The following NCAPD3 variants were observed in gnomAD, a reference collection of about 807,000 sequenced individuals.
NCAPD3 encodes the protein non-SMC condensin II complex subunit D3.
Under a neutral mutation model 182.9 loss-of-function variants are expected in NCAPD3, and 105 were observed. The observed-to-expected ratio is 0.57, with a 90% CI of 0.49 to 0.68. The LOEUF (loss-of-function observed/expected upper bound fraction) is 0.68, where lower values mean the gene tolerates loss of function less well. NCAPD3 is among the 30% of genes least tolerant of loss of function. The pLI is 0.00. For missense variants in NCAPD3, 1,944 were observed against 1,837.0 expected, an observed-to-expected ratio of 1.06 and a Z score of -1.07; for synonymous variants, 815 against 679.9, an observed-to-expected ratio of 1.20 and a Z score of -3.09.
intron 24 of NCAPD3, among the ~76,000 whole-genome samples, chr11:134,174,117 G>C (rs1380136450): frequency 6.6e-6 from 1 of 152,066 alleles, no homozygotes; most frequent in Non-Finnish European, 1.5e-5. Context: ...ATTGCCTGCT[G>C]TGGTGACTCA....
At chr11:134,212,780 T>C (rs2136024063) in intron 3 of NCAPD3, among the ~76,000 whole-genome samples, 1 of 152,204 alleles carries the variant, frequency 6.6e-6, no homozygotes, top group East Asian at 1.9e-4. Flanking sequence ...AAGTGCCTAC[T>C]GCATACACAA....
At chr11:134,166,940 T>A (rs1311057128) in intron 27 of NCAPD3, among the ~76,000 whole-genome samples, 63 of 75,004 alleles carry the variant, frequency 8.4e-4, no homozygotes, top group South Asian at 1.5e-3. Context: ...TTAGGGGAGC[T>A]GCACACTCAC....
chr11:134,178,461 C>T (rs756021523), intron 22 of NCAPD3, 173 bp downstream of exon 22: 3 of 449,118 alleles, frequency 6.7e-6, no homozygotes, highest in Non-Finnish European at 1.2e-5. Flanking sequence ...ATGACCAGCA[C>T]GCAGTTATGC....
Position 134,192,876 on chromosome 11 carries a change from A to C in NCAPD3, c.1858T>G (p.Trp620Gly), listed in dbSNP as rs767054997. 1 of 1,613,654 alleles carries C rather than the reference A, an allele frequency of 6.2e-7. No homozygotes were observed. The highest frequency in any genetic ancestry group is 8.5e-7 in the Non-Finnish European group (1 of 1,179,588). ...QPRCVQIQKA[W>G]LRGVVPVVMD... ...ACCACCGGGACCACCCCCCGCAACC[A>C]GGCTTTCTGGATCTGCACGCATCTA... is the stretch of plus-strand genomic sequence containing the variant. The change falls in exon 16 of 35, where the codon TGG (tryptophan) becomes GGG (glycine). Residue 620 changes from tryptophan (W) to glycine (G), a missense_variant. Physicochemically the swap from Trp to Gly is radical, Grantham distance 184. Around this residue, in one of 3 missense-constraint regions of NCAPD3, gnomAD observed 1,803 missense variants for 1,674.6 expected, o/e 1.08. Coordinates refer to ENST00000534548, the MANE Select transcript of NCAPD3 (RefSeq NM_015261.3).
chr11:134,203,521 A>C, intron 11 of NCAPD3, 133 bp downstream of exon 11: 1 of 1,214,584 alleles, frequency 8.2e-7, no homozygotes, highest in Non-Finnish European at 1.1e-6. Context: ...AAAATATACT[A>C]AAAATGGTTT....
chr11:134,160,347 C>A (rs1208466110), intron 28 of NCAPD3, among the ~76,000 whole-genome samples: 1 of 152,122 alleles, frequency 6.6e-6, no homozygotes, highest in African/African-American at 2.4e-5. Flanking sequence ...CACCACTGGC[C>A]ACACAAGCAG....
chr11:134,165,397 C>G (rs911007985), intron 27 of NCAPD3, among the ~76,000 whole-genome samples: 1 of 146,876 alleles, frequency 6.8e-6, no homozygotes, highest in African/African-American at 2.6e-5. Context: ...GGAAGGGGCA[C>G]ACTTCTGAGA....
At chr11:134,224,440 C>T (rs1938373695), upstream of NCAPD3, 1 of 169,610 alleles carries the variant, frequency 5.9e-6, no homozygotes, top group Admixed American at 6.0e-5. Context: ...TCCGAGAAGA[C>T]AAGACAACTG....
Position 134,152,962 on chromosome 11 carries a change from A to G in NCAPD3, c.4479T>C (p.Pro1493=). 6.4e-7 allele frequency: 1 copy of G among 1,561,360 alleles called. No individual in the cohort carries two copies. Among genetic ancestry groups the G allele is most frequent in the Non-Finnish European group, 8.7e-7 (1 of 1,154,314 alleles). ...ACSRRSLRKT[P]LKTAN is the part of the protein sequence containing the mutation. ...GCGCTGTTTAGTTGGCTGTTTTCAG[A>G]GGGGTCTTTCGGAGGGACCTCCTGC... The change falls in exon 35 of 35, where the codon CCT becomes CCC. Residue 1493 remains proline, a synonymous_variant. Coordinates refer to ENST00000534548, the MANE Select transcript of NCAPD3 (RefSeq NM_015261.3).
chr11:134,165,017 A>T (rs1943722879), intron 27 of NCAPD3, among the ~76,000 whole-genome samples: 1 of 149,238 alleles, frequency 6.7e-6, no homozygotes, highest in Non-Finnish European at 1.5e-5. Context: ...CTGCACACCC[A>T]CTTGTGAGAT....
rs368317655 is a variant in NCAPD3, at chr11:134,160,035, A to G, written c.3724T>C (p.Phe1242Leu). Residue 1242 changes from phenylalanine to leucine, a missense_variant, in exon 29 of 35, where the codon TTT becomes CTT. Physicochemically the swap from Phe to Leu is conservative, Grantham distance 22. Coordinates refer to ENST00000534548, the MANE Select transcript of NCAPD3 (RefSeq NM_015261.3). ...QDYRDELKDF[F>L]AVDKQLASEL... ...GATGCCAGCTGTTTGTCAACTGCAA[A>G]GAAGTCCTTGAGCTCATCTCGGTAA... 52 of 1,614,054 alleles carry G rather than the reference A, an allele frequency of 3.2e-5. No homozygotes were observed. The highest frequency in any genetic ancestry group is 5.3e-5 in the African/African-American group (4 of 74,930).
rs775266067 is a variant in NCAPD3 at position 134,203,889 on chromosome 11, A to C, written c.1233T>G (p.Phe411Leu). ...SRSSKIPHRV[F>L]TLDVVLALLE... Reference sequence around the variant, plus strand: ...ACAGAGCTAAGACAACATCAAGAGTAAAAACCCGGTGTGGGATCTGGTAAA... The same window carrying C: ...ACAGAGCTAAGACAACATCAAGAGTCAAAACCCGGTGTGGGATCTGGTAAA... The change falls in exon 11 of 35, where the codon TTT becomes TTG. Residue 411 changes from phenylalanine (F) to leucine (L), a missense_variant. Around this residue, in one of 3 missense-constraint regions of NCAPD3, gnomAD observed 1,803 missense variants for 1,674.6 expected, o/e 1.08. Coordinates refer to ENST00000534548, the MANE Select transcript of NCAPD3 (RefSeq NM_015261.3). 1 of 1,613,816 alleles carries C rather than the reference A, an allele frequency of 6.2e-7. No homozygotes were observed. Among genetic ancestry groups the C allele is most frequent in the Non-Finnish European group, 8.5e-7 (1 of 1,179,702 alleles).
chr11:134,196,341 G>A (rs922786243), intron 13 of NCAPD3, among the ~76,000 whole-genome samples: 3 of 152,028 alleles, frequency 2.0e-5, no homozygotes, highest in Admixed American at 1.3e-4. Context: ...TACCTGTAAC[G>A]AGTAAAGAAA....
chr11:134,195,935 A>C (rs988743515), intron 13 of NCAPD3, among the ~76,000 whole-genome samples: 2 of 152,114 alleles, frequency 1.3e-5, no homozygotes, highest in Non-Finnish European at 2.9e-5. Context: ...CACTGCACTC[A>C]TTTTTACTTC....
rs540395039 is a variant in NCAPD3, at chr11:134,177,135, G to C, written c.3021+84C>G. 1.3e-3 allele frequency: 1,389 copies of C among 1,080,100 alleles called. 3 individuals are homozygous for C. Among genetic ancestry groups the C allele is most frequent in the Non-Finnish European group, 1.8e-3 (1,297 of 710,300 alleles). 66.9% of individuals were successfully genotyped at this position (1,080,100 alleles called of 1,614,324 possible). A position where few individuals can be genotyped will look rare whatever the true frequency, so the allele number is the denominator to read the frequency against. ...ATTTTTGGATTCTACTACAAAGCAA[G>C]CACATTTCCTATGCTACTCAAATAT... On this transcript the variant is annotated intron_variant, in intron 23 of 34. Transcript: ENST00000534548.
chr11:134,157,266 G>A (rs2120518102), intron 31 of NCAPD3, among the ~76,000 whole-genome samples, 171 bp from the exon 32 acceptor site: 1 of 152,146 alleles, frequency 6.6e-6, no homozygotes, highest in South Asian at 2.1e-4. Flanking sequence ...ATAAACATGA[G>A]AAAAAATGTC....
At chr11:134,208,406 C>T (rs1459794210) in intron 7 of NCAPD3, among the ~76,000 whole-genome samples, 2 of 152,162 alleles carry the variant, frequency 1.3e-5, no homozygotes, top group East Asian at 3.9e-4. Context: ...ATTTCCATAG[C>T]ATATCAACAC....
At chr11:134,209,120 AG>A in intron 6 of NCAPD3, 24 bp downstream of exon 6, 1 of 1,604,416 alleles carries the variant, frequency 6.2e-7, no homozygotes, top group Non-Finnish European at 8.5e-7. Flanking sequence ...CTTAAATTGT[AG>A]CACTGGAAGA....
intron 3 of NCAPD3, among the ~76,000 whole-genome samples, chr11:134,216,186 C>T (rs997505073): frequency 6.6e-6 from 1 of 152,184 alleles, no homozygotes; most frequent in Admixed American, 6.5e-5. Context: ...AACAACAACA[C>T]AAATCAATGT....
Sources: gnomAD v4.1 joint callset for allele counts (sites outside exome capture counted in the v4.1 genomes callset) on GRCh38, gnomAD v4.1.1 for gene constraint, gnomAD v4.1.1 regional missense constraint, MANE v1.5 for transcripts, NCBI Gene and HGNC (gene_info 2026-07-23, HGNC 2026-07-21) for gene names.